The following LIMK1 variants were observed in gnomAD, a reference collection of about 807,000 sequenced individuals.
LIMK1 encodes LIM domain kinase 1.
Under a neutral mutation model 77.6 loss-of-function variants are expected in LIMK1, and 21 were observed. That is an observed-to-expected ratio of 0.27 (90% CI 0.19 to 0.39). The LOEUF is 0.39. Ranked by LOEUF, LIMK1 falls within the 10% of genes least tolerant of loss-of-function variation. LIMK1 has a pLI of 1.00. For synonymous variants in LIMK1, 358 were observed against 370.0 expected (o/e 0.97, Z 0.37); for missense variants, 696 against 901.6 (o/e 0.77, Z 2.92).
At position 74,107,152 on chromosome 7, in the gene LIMK1, G is replaced by A. The variant is rs782742428; in HGVS notation, c.1024G>A (p.Gly342Arg). Residue 342 changes from glycine to arginine, a missense_variant, in exon 8 of 16, where the codon GGG (glycine) becomes AGG (arginine). Gly to Arg is a moderately radical substitution (Grantham distance 125). Around this residue, in one of 3 missense-constraint regions of LIMK1, gnomAD observed 438 missense variants for 602.3 expected, o/e 0.73. Transcript: ENST00000336180. Reference sequence around the variant, plus strand: ...CTTCCGGCCGTCGGACCTCATCCACGGGGAGGTGCTGGGCAAGGGCTGCTT... The same window carrying A: ...CTTCCGGCCGTCGGACCTCATCCACAGGGAGGTGCTGGGCAAGGGCTGCTT... ...RIFRPSDLIH[G>R]EVLGKGCFGQ... The A allele has an allele frequency of 5.6e-6, 9 of 1,612,884 alleles. No homozygotes were observed. Among genetic ancestry groups the A allele is most frequent in the Admixed American group, 1.7e-5 (1 of 59,960 alleles).
intron 5 of LIMK1, among the ~76,000 whole-genome samples, chr7:74,104,959 AG>A (rs552664256): frequency 3.9e-5 from 6 of 152,234 alleles, no homozygotes; most frequent in Middle Eastern, 3.4e-3. Context: ...CTGTAATCCT[AG>A]CACTTTGTTT....
At chr7:74,114,653 C>T (rs1054008654) in intron 12 of LIMK1, among the ~76,000 whole-genome samples, 3 of 151,978 alleles carry the variant, frequency 2.0e-5, no homozygotes, top group Admixed American at 6.6e-5. Context: ...CGGTGGCTCA[C>T]GCCTGTAATC....
intron 2 of LIMK1, chr7:74,093,020 A>G (rs1317340093): frequency 2.1e-6 from 2 of 935,758 alleles, no homozygotes; most frequent in Non-Finnish European, 3.0e-6. Context: ...CTCGCTCCCC[A>G]CCCGCACCAA....
chr7:74,094,160 G>A (rs1323151030), intron 2 of LIMK1: 1 of 152,504 alleles, frequency 6.6e-6, no homozygotes, highest in African/African-American at 2.4e-5. Flanking sequence ...CCCAGCCTGG[G>A]GCCGCGGGGA....
intron 2 of LIMK1, among the ~76,000 whole-genome samples, chr7:74,087,505 T>A (rs1055374345): frequency 1.3e-5 from 2 of 152,154 alleles, no homozygotes; most frequent in East Asian, 3.9e-4. Context: ...CATAAAAGGG[T>A]AGAAGGTGAA....
chr7:74,104,063 G>A (rs1292449940), intron 5 of LIMK1, among the ~76,000 whole-genome samples: 1 of 151,984 alleles, frequency 6.6e-6, no homozygotes, highest in African/African-American at 2.4e-5. Flanking sequence ...AAATAGCTGG[G>A]ATTACAGGAG....
chr7:74,092,088 T>C (rs1340062542), intron 2 of LIMK1, among the ~76,000 whole-genome samples: 1 of 150,258 alleles, frequency 6.7e-6, no homozygotes, highest in Non-Finnish European at 1.5e-5. Flanking sequence ...TGCCTCAGCT[T>C]CCTGGTAGCT....
intron 2 of LIMK1, chr7:74,093,085 C>T (rs1799268305): frequency 3.6e-6 from 5 of 1,399,396 alleles, no homozygotes; most frequent in Non-Finnish European, 4.7e-6. Context: ...GACCAAGTCC[C>T]CTGGCACCCA....
intron 4 of LIMK1, among the ~76,000 whole-genome samples, chr7:74,097,414 G>A (rs1219018100): frequency 1.3e-5 from 2 of 152,220 alleles, no homozygotes; most frequent in East Asian, 1.9e-4. Context: ...GCTGGCTCAC[G>A]CCTGTAAACC....
intron 2 of LIMK1, among the ~76,000 whole-genome samples, chr7:74,092,562 G>T (rs1554694934): frequency 1.3e-5 from 2 of 152,194 alleles, no homozygotes; most frequent in African/African-American, 4.8e-5. Context: ...CCTCCCGGAA[G>T]GTTATGACCA....
intron 2 of LIMK1, among the ~76,000 whole-genome samples, chr7:74,086,114 T>A (rs1799133722): frequency 6.6e-6 from 1 of 152,022 alleles, no homozygotes; most frequent in Non-Finnish European, 1.5e-5. Flanking sequence ...GGTGCGATCT[T>A]GGCTCATTGC....
Position 74,121,475 on chromosome 7 carries a change from C to T in LIMK1, c.*174C>T. On this transcript the variant is annotated 3_prime_UTR_variant, in exon 16 of 16. Coordinates refer to ENST00000336180, the MANE Select transcript of LIMK1 (RefSeq NM_002314.4). ...ACCGCTTCCCCTGCCTTCTCTCTGCCGTGGCCCAGAGCCGGCCCAGCTGCA... is the reference window on the plus strand; with the variant it reads ...ACCGCTTCCCCTGCCTTCTCTCTGCTGTGGCCCAGAGCCGGCCCAGCTGCA... 6.1e-6 allele frequency: 4 copies of T among 655,780 alleles called. No individual in the cohort carries two copies. Among genetic ancestry groups the T allele is most frequent in the Non-Finnish European group, 1.0e-5 (4 of 394,656 alleles). The allele number at this position is 655,780 out of a possible 1,614,324, so 40.6% of individuals were successfully genotyped here.
rs369863848 is a variant in LIMK1 at position 74,097,115 on chromosome 7, C to T, written c.327C>T (p.Phe109=). The stretch of plus-strand genomic sequence containing the variant: ...AGCTGAAGTACCACCCCGAGTGTTT[C>T]ATCTGCCTCACGTGTGGGACCTTTA... The part of the protein sequence containing the change: ...AGELKYHPEC[F]ICLTCGTFIG... Residue 109 remains phenylalanine, a synonymous_variant, in exon 4 of 16, where the codon TTC becomes TTT. Coordinates refer to ENST00000336180, the MANE Select transcript of LIMK1 (RefSeq NM_002314.4). 2 of 1,613,574 alleles carry T rather than the reference C, an allele frequency of 1.2e-6. No individual in the cohort carries two copies. The highest frequency in any genetic ancestry group is 1.7e-5 in the Admixed American group (1 of 59,958).
At chr7:74,112,422 C>T (rs1418986419) in intron 12 of LIMK1, among the ~76,000 whole-genome samples, 2 of 152,114 alleles carry the variant, frequency 1.3e-5, no homozygotes, top group Non-Finnish European at 2.9e-5. Flanking sequence ...GGGCAGGCTT[C>T]CTGAAAGAGG....
Position 74,121,360 on chromosome 7 carries a change from C to T in LIMK1, c.*59C>T. 2.1e-6 allele frequency: 3 copies of T among 1,445,278 alleles called. No individual in the cohort carries two copies. The highest frequency in any genetic ancestry group is 2.8e-6 in the Non-Finnish European group (3 of 1,084,660). 89.5% of individuals were successfully genotyped at this position (1,445,278 alleles called of 1,614,324 possible). ...CTGGAGAATCCACCCCCACCAGATT[C>T]CTCCGCGGGAGGTGGCCCTCAGCTG... is the stretch of plus-strand genomic sequence containing the variant. On this transcript the variant is annotated 3_prime_UTR_variant, in exon 16 of 16. Transcript: ENST00000336180.
intron 10 of LIMK1, 83 bp downstream of exon 10, chr7:74,109,119 T>A: frequency 1.8e-6 from 2 of 1,110,338 alleles, no homozygotes; most frequent in South Asian, 2.7e-5. Context: ...TCTCATCTCT[T>A]CAATGGGGGG....
intron 1 of LIMK1, among the ~76,000 whole-genome samples, chr7:74,084,892 A>C (rs1373397372): frequency 6.6e-6 from 1 of 152,028 alleles, no homozygotes; most frequent in Non-Finnish European, 1.5e-5. Flanking sequence ...AACTCTTCCC[A>C]GGCCCATGAA....
chr7:74,111,623 C>G, intron 10 of LIMK1, 25 bp from the exon 11 acceptor site: 1 of 1,605,794 alleles, frequency 6.2e-7, no homozygotes, highest in Non-Finnish European at 8.5e-7. Context: ...CCGGCCCCAC[C>G]CTGGCCATTC....
rs369017326 is a variant in LIMK1 at position 74,112,048 on chromosome 7, C to T, written c.1410+50C>T. The T allele has an allele frequency of 2.3e-5, 33 of 1,422,010 alleles. No homozygotes were observed. In the Middle Eastern group the frequency reaches 5.5e-4, roughly 24 times the overall value. 88.1% of individuals were successfully genotyped at this position (1,422,010 alleles called of 1,614,324 possible). A position where few individuals can be genotyped will look rare whatever the true frequency, so the allele number is the denominator to read the frequency against. ...TGGGTGTCAGGAGACAGCAGGAGCC[C>T]ATCCAACCCCAGCCTCAGGGCCTTC... is the stretch of plus-strand genomic sequence containing the variant. On this transcript the variant is annotated intron_variant, in intron 12 of 15. Coordinates refer to ENST00000336180, the MANE Select transcript of LIMK1 (RefSeq NM_002314.4).
Sources: allele counts gnomAD v4.1 joint callset (sites outside exome capture counted in the v4.1 genomes callset), GRCh38; gene constraint gnomAD v4.1.1; regional missense constraint gnomAD v4.1.1; transcripts MANE v1.5; gene names NCBI Gene and HGNC (gene_info 2026-07-23, HGNC 2026-07-21).